The following SAGE1 variants were observed in gnomAD, a reference collection of about 807,000 sequenced individuals.
SAGE1 encodes the protein cancer/testis antigen 14.
SAGE1 carries 55 observed loss-of-function variants against 55.4 expected under a neutral mutation model. That is an observed-to-expected ratio of 0.99 (90% CI 0.80 to 1.24). The LOEUF (loss-of-function observed/expected upper bound fraction) is 1.24. SAGE1 is among the 50% of genes most tolerant of loss of function. The pLI, the probability that SAGE1 is intolerant of heterozygous loss-of-function variation, is 0.00. For synonymous variants in SAGE1, 240 were observed against 244.3 expected (o/e 0.98, Z 0.17); for missense variants, 710 against 704.4 (o/e 1.01, Z -0.09).
chrX:135,912,488 AT>A, intron 19 of SAGE1, 74 bp downstream of exon 19: 3 of 1,187,042 alleles, frequency 2.5e-6, no homozygotes, highest in Non-Finnish European at 3.4e-6. Context: ...GGAAAAAATC[AT>A]GGTTTGTTCC....
rs782708445 is a variant in SAGE1 at position 135,912,944 on chromosome X, G to A, written c.*47G>A. 5 of 879,633 alleles carry A rather than the reference G, an allele frequency of 5.7e-6. No individual in the cohort carries two copies. The allele number at this position is 879,633 out of a possible 1,213,427, so 72.5% of individuals were successfully genotyped here. The stretch of plus-strand genomic sequence containing the variant: ...GGAGAAACAAGGACATATGCTGTAG[G>A]ATGGAACAGGTTATTGCTGAAGCTC... On this transcript the variant is annotated 3_prime_UTR_variant, in exon 20 of 20. Coordinates refer to ENST00000370709, the MANE Select transcript of SAGE1 (RefSeq NM_001381902.1).
intron 2 of SAGE1, among the ~76,000 whole-genome samples, chrX:135,900,493 G>T (rs782809354): frequency 5.4e-5 from 6 of 111,095 alleles, no homozygotes; most frequent in Non-Finnish European, 9.4e-5. Context: ...TCAGGGTGAT[G>T]CTGGTCTCAT....
At chrX:135,909,452 G>T (rs1196637704) in intron 13 of SAGE1, among the ~76,000 whole-genome samples, 187 bp from the exon 14 acceptor site, 11 of 111,402 alleles carry the variant, frequency 9.9e-5, no homozygotes, top group African/African-American at 3.6e-4. Flanking sequence ...GCAGTGTCAT[G>T]CAGGGAAGAA....
intron 1 of SAGE1, among the ~76,000 whole-genome samples, chrX:135,894,868 C>T (rs782680465): frequency 7.2e-5 from 8 of 110,535 alleles, no homozygotes; most frequent in Non-Finnish European, 1.5e-4. Flanking sequence ...TTTTTTGTGC[C>T]GGGCTTTTAC....
chrX:135,910,270 C>T (rs1556605532), intron 15 of SAGE1, 100 bp downstream of exon 15: 2 of 1,054,424 alleles, frequency 1.9e-6, no homozygotes. Flanking sequence ...CTTTTCAGGC[C>T]TCAATTTTAG....
chrX:135,896,560 CTTTT>C (rs35997575), intron 2 of SAGE1, among the ~76,000 whole-genome samples: 8 of 95,062 alleles, frequency 8.4e-5, no homozygotes, highest in Non-Finnish European at 8.4e-5. Flanking sequence ...TTATTTATAT[CTTTT>C]TTTTTTTTTT....
intron 16 of SAGE1, 31 bp downstream of exon 16, chrX:135,910,586 C>T (rs782262524): frequency 8.5e-7 from 1 of 1,170,398 alleles, no homozygotes; most frequent in South Asian, 1.8e-5. Flanking sequence ...TGCTGTCCTA[C>T]TTGGTTTCCC....
At position 135,912,999 on chromosome X, in the gene SAGE1, T is replaced by C; in HGVS notation, c.*102T>C. 1 of 526,127 alleles carries C rather than the reference T, an allele frequency of 1.9e-6. No individual in the cohort carries two copies. The highest frequency in any genetic ancestry group is 3.7e-5 in the East Asian group (1 of 26,669). The allele number at this position is 526,127 out of a possible 1,213,427, so 43.4% of individuals were successfully genotyped here. ...TAATCCTGAAATGAAGAGAATTCCC[T>C]TCCAGAAGCTACGAAAAAGGGAGCT... On this transcript the variant is annotated 3_prime_UTR_variant, in exon 20 of 20. Coordinates refer to ENST00000370709, the MANE Select transcript of SAGE1 (RefSeq NM_001381902.1).
intron 3 of SAGE1, among the ~76,000 whole-genome samples, 189 bp from the exon 4 acceptor site, chrX:135,904,288 C>T (rs1556598677): frequency 9.0e-6 from 1 of 111,517 alleles, no homozygotes; most frequent in Non-Finnish European, 1.9e-5. Context: ...TGCATAGTGT[C>T]GTGAGGGAAG....
intron 3 of SAGE1, among the ~76,000 whole-genome samples, chrX:135,902,030 C>A (rs1240844056): frequency 5.4e-5 from 6 of 112,147 alleles, no homozygotes; most frequent in Admixed American, 1.9e-4. Flanking sequence ...GTCTCAGCAG[C>A]ATGCGACACA....
chrX:135,902,084 A>G (rs1257111710), intron 3 of SAGE1, among the ~76,000 whole-genome samples: 9 of 111,722 alleles, frequency 8.1e-5, no homozygotes, highest in Non-Finnish European at 1.7e-4. Context: ...GGGTCCCCAG[A>G]CACCTGGATT....
chrX:135,896,555 TA>T (rs1556593935), intron 2 of SAGE1, among the ~76,000 whole-genome samples: 5 of 97,759 alleles, frequency 5.1e-5, no homozygotes, highest in Non-Finnish European at 8.3e-5. Context: ...TTATTTTATT[TA>T]TATCTTTTTT....
At chrX:135,904,069 A>C (rs2088735423) in intron 3 of SAGE1, among the ~76,000 whole-genome samples, 1 of 111,556 alleles carries the variant, frequency 9.0e-6, no homozygotes, top group South Asian at 3.8e-4. Flanking sequence ...CAACCTCTTC[A>C]TTTGGTTTCC....
chrX:135,908,968 G>A lies in SAGE1; in HGVS notation c.1546G>A (p.Ala516Thr). Residue 516 changes from alanine (A) to threonine (T), a missense_variant, in exon 13 of 20, where the codon GCA (alanine) becomes ACA (threonine). Physicochemically the swap from Ala to Thr is moderately conservative, Grantham distance 58. Transcript: ENST00000370709. ...NDAPQLGHMAAGGIPSMSTKD... is the reference protein window; with the variant it reads ...NDAPQLGHMATGGIPSMSTKD... ...TGCACCACAGCTTGGTCATATGGCT[G>A]CAGGTGGTATTCCATCCATGAGTAC... is the stretch of plus-strand genomic sequence containing the variant. 1 of 1,209,350 alleles carries A rather than the reference G, an allele frequency of 8.3e-7. No individual in the cohort carries two copies. Among genetic ancestry groups the A allele is most frequent in the South Asian group, 1.8e-5 (1 of 56,873 alleles).
intron 2 of SAGE1, among the ~76,000 whole-genome samples, chrX:135,898,508 C>T (rs2088623055): frequency 9.0e-6 from 1 of 111,715 alleles, no homozygotes; most frequent in African/African-American, 3.3e-5. Context: ...GGTATATACC[C>T]AGTAATGAGA....
At position 135,908,139 on chromosome X, in the gene SAGE1, C is replaced by G. The variant is rs2088829674; in HGVS notation, c.1210C>G (p.Pro404Ala). 1.7e-6 allele frequency: 2 copies of G among 1,207,571 alleles called. No homozygotes were observed. Among genetic ancestry groups the G allele is most frequent in the Non-Finnish European group, 2.2e-6 (2 of 893,573 alleles). The part of the protein sequence containing the change: ...LREEKKDNSQ[P>A]TPDNVLSAVT... ...TGAAGAGAAGAAAGATAACAGCCAA[C>G]CAACCCCTGATAACGTCTTGTCAGC... Residue 404 changes from proline (P) to alanine (A), a missense_variant, in exon 11 of 20, where the codon CCA becomes GCA. Physicochemically the swap from Pro to Ala is conservative, Grantham distance 27 (BLOSUM62 -1). Transcript: ENST00000370709.
At chrX:135,896,104 A>G (rs1346069618) in intron 1 of SAGE1, 139 bp from the exon 2 acceptor site, 4 of 452,801 alleles carry the variant, frequency 8.8e-6, no homozygotes, top group Non-Finnish European at 1.6e-5. Context: ...ACACATTGCT[A>G]AGACAATCTG....
chrX:135,903,890 G>C (rs1280333416), intron 3 of SAGE1, among the ~76,000 whole-genome samples: 1 of 112,418 alleles, frequency 8.9e-6, no homozygotes, highest in Non-Finnish European at 1.9e-5. Context: ...ATGCCAAGAG[G>C]TAAAAAGGTA....
chrX:135,896,401 G>T (rs1329722932), intron 2 of SAGE1, 72 bp downstream of exon 2: 56 of 702,417 alleles, frequency 8.0e-5, no homozygotes, highest in Non-Finnish European at 9.0e-5. Context: ...TTGGAAAGAT[G>T]AATATAAACT....
Sources: gnomAD v4.1 joint callset for allele counts (sites outside exome capture counted in the v4.1 genomes callset) on GRCh38, gnomAD v4.1.1 for gene constraint, MANE v1.5 for transcripts, NCBI Gene and HGNC (gene_info 2026-07-23, HGNC 2026-07-21) for gene names.